The following ZCCHC14 variants were observed in gnomAD, a reference collection of about 807,000 sequenced individuals.
ZCCHC14 encodes the protein zinc finger CCHC domain-containing protein 14.
In ZCCHC14, 16 loss-of-function variants were observed where a neutral mutation model predicts 85.0. The observed-to-expected ratio is 0.19, with a 90% CI of 0.13 to 0.29. ZCCHC14 has a LOEUF of 0.29. Among genes scored for constraint, ZCCHC14 ranks in the 10% least tolerant of loss-of-function variants. The pLI, the probability that ZCCHC14 is intolerant of heterozygous loss-of-function variation, is 1.00. For synonymous variants in ZCCHC14, 775 were observed against 630.7 expected (o/e 1.23, Z -3.43); for missense variants, 1,303 against 1,443.5 (o/e 0.90, Z 1.58).
intron 8 of ZCCHC14, among the ~76,000 whole-genome samples, chr16:87,416,691 G>A (rs1908799252): frequency 6.6e-6 from 1 of 152,124 alleles, no homozygotes; most frequent in Non-Finnish European, 1.5e-5. Flanking sequence ...GGGAGGCAGA[G>A]GTTGCAGGGA....
At chr16:87,437,970 T>A (rs1910009984) in intron 2 of ZCCHC14, among the ~76,000 whole-genome samples, 2 of 152,240 alleles carry the variant, frequency 1.3e-5, no homozygotes, top group Admixed American at 1.3e-4. Flanking sequence ...TTTTTCCTTT[T>A]ACACTTCAGT....
chr16:87,457,268 C>A (rs1398467232), intron 2 of ZCCHC14, among the ~76,000 whole-genome samples: 1 of 152,218 alleles, frequency 6.6e-6, no homozygotes, highest in Non-Finnish European at 1.5e-5. Context: ...ATAGGCACTG[C>A]CCACACAACG....
At chr16:87,438,885 C>A (rs1024390422) in intron 2 of ZCCHC14, among the ~76,000 whole-genome samples, 1 of 152,216 alleles carries the variant, frequency 6.6e-6, no homozygotes, top group African/African-American at 2.4e-5. Flanking sequence ...GAGCCTATGG[C>A]TCCAGAGGTG....
At chr16:87,476,779 T>C (rs1597450882) in intron 1 of ZCCHC14, among the ~76,000 whole-genome samples, 1 of 151,252 alleles carries the variant, frequency 6.6e-6, no homozygotes, top group South Asian at 2.1e-4. Context: ...GGGAATTCTC[T>C]GGGCTGACGG....
intron 1 of ZCCHC14, among the ~76,000 whole-genome samples, chr16:87,469,929 G>A (rs1429908575): frequency 1.3e-5 from 2 of 152,182 alleles, no homozygotes; most frequent in African/African-American, 2.4e-5. Flanking sequence ...ACCACGACAT[G>A]TGATCGTCTG....
intron 2 of ZCCHC14, among the ~76,000 whole-genome samples, chr16:87,436,722 TAAAAG>T (rs944044415): frequency 2.6e-5 from 4 of 151,726 alleles, no homozygotes; most frequent in African/African-American, 9.7e-5. Context: ...CCCCAGAACT[TAAAAG>T]AAAAAAAGAA....
chr16:87,477,697 G>C (rs1179876912), intron 1 of ZCCHC14, among the ~76,000 whole-genome samples: 1 of 152,172 alleles, frequency 6.6e-6, no homozygotes, highest in Non-Finnish European at 1.5e-5. Context: ...GCTGTTATGA[G>C]GATTAAATGA....
rs59367064 is a variant in ZCCHC14, at chr16:87,453,959, G to C, written c.694+6049C>G. The stretch of plus-strand genomic sequence containing the variant: ...AATGGACAGAATCTCAGCAGAAAAA[G>C]AGAAATTATAAAAAAGAACCATACA... On this transcript the variant is annotated intron_variant, in intron 2 of 12. Transcript: ENST00000671377. Among the ~76,000 whole-genome samples, 1,107 of 152,186 alleles carry C rather than the reference G, an allele frequency of 7.3e-3. 10 individuals are homozygous for C. Among genetic ancestry groups the C allele is most frequent in the African/African-American group, 0.025 (1,046 of 41,516 alleles).
intron 2 of ZCCHC14, among the ~76,000 whole-genome samples, chr16:87,439,036 G>T (rs144022181): frequency 6.6e-6 from 1 of 152,160 alleles, no homozygotes; most frequent in East Asian, 1.9e-4. Flanking sequence ...GACAAGCCAC[G>T]AACATTACCA....
intron 1 of ZCCHC14, among the ~76,000 whole-genome samples, chr16:87,479,010 C>T (rs1351538587): frequency 6.6e-6 from 1 of 152,152 alleles, no homozygotes; most frequent in Non-Finnish European, 1.5e-5. Context: ...TTCCTCTTCC[C>T]CATACACTAA....
intron 2 of ZCCHC14, among the ~76,000 whole-genome samples, chr16:87,450,550 T>G (rs79503602): frequency 0.016 from 2,447 of 151,414 alleles, 25 homozygotes; most frequent in Middle Eastern, 0.044. Context: ...TGGGAAAACA[T>G]AAAGCTGATA....
intron 8 of ZCCHC14, 116 bp downstream of exon 8, chr16:87,417,344 C>A: frequency 1.4e-6 from 2 of 1,445,454 alleles, no homozygotes; most frequent in Non-Finnish European, 9.4e-7. Context: ...ACAGGCGCTG[C>A]GCCTCGGCCT....
intron 2 of ZCCHC14, among the ~76,000 whole-genome samples, chr16:87,437,337 C>CA (rs34871367): frequency 4.0e-4 from 23 of 57,734 alleles, no homozygotes; most frequent in East Asian, 2.4e-3. Context: ...AATTCCATCT[C>CA]AAAAAAAAAA....
chr16:87,485,590 CAAAAAAAAAAA>C (rs35083614), intron 1 of ZCCHC14, among the ~76,000 whole-genome samples: 2 of 98,654 alleles, frequency 2.0e-5, no homozygotes, highest in Non-Finnish European at 4.8e-5. Flanking sequence ...GGCAGTTTTC[CAAAAAAAAAAA>C]AAAAAAGAAG....
chr16:87,411,323 T>C (rs571619692), intron 12 of ZCCHC14, 193 bp downstream of exon 12: 5 of 1,468,286 alleles, frequency 3.4e-6, no homozygotes, highest in East Asian at 2.3e-5. Flanking sequence ...GAAATCATCA[T>C]GGCCGTTTTA....
chr16:87,411,115 G>C (rs1952662201), intron 12 of ZCCHC14, among the ~76,000 whole-genome samples: 1 of 152,266 alleles, frequency 6.6e-6, no homozygotes. Context: ...GCGCCGGCAG[G>C]GAGGGGCAGA....
chr16:87,487,887 G>C (rs1912585368), intron 1 of ZCCHC14, among the ~76,000 whole-genome samples: 1 of 151,954 alleles, frequency 6.6e-6, no homozygotes, highest in Non-Finnish European at 1.5e-5. Flanking sequence ...CAGTCACAAA[G>C]GGCCACACGG....
intron 7 of ZCCHC14, 144 bp from the exon 8 acceptor site, chr16:87,417,886 A>T: frequency 3.0e-6 from 3 of 987,392 alleles, no homozygotes; most frequent in Non-Finnish European, 4.3e-6. Context: ...TGAACTGCCA[A>T]CACTGCTGTG....
intron 2 of ZCCHC14, among the ~76,000 whole-genome samples, chr16:87,440,562 C>A (rs1239388211): frequency 2.0e-5 from 3 of 152,192 alleles, no homozygotes; most frequent in Non-Finnish European, 4.4e-5. Context: ...CCAGAGGTCA[C>A]TGGCCACATC....
Sources: allele counts gnomAD v4.1 joint callset (sites outside exome capture counted in the v4.1 genomes callset), GRCh38; gene constraint gnomAD v4.1.1; transcripts MANE v1.5; gene names NCBI Gene and HGNC (gene_info 2026-07-23, HGNC 2026-07-21).